The following ASRGL1 variants were observed in gnomAD, a reference collection of about 807,000 sequenced individuals.
ASRGL1 encodes the protein asparaginase and isoaspartyl peptidase 1.
In ASRGL1, 16 loss-of-function variants were observed where a neutral mutation model predicts 22.4. The observed-to-expected ratio is 0.71, with a 90% CI of 0.48 to 1.08. The LOEUF is 1.08. Among genes scored for constraint, ASRGL1 ranks in the 50% least tolerant of loss-of-function variants. The pLI, the probability that ASRGL1 is intolerant of heterozygous loss-of-function variation, is 0.00. For missense variants in ASRGL1, 412 were observed against 410.1 expected, an observed-to-expected ratio of 1.00 and a Z score of -0.04; for synonymous variants, 165 against 159.3, an observed-to-expected ratio of 1.04 and a Z score of -0.27.
chr11:62,364,360 T>C (rs900868438), intron 4 of ASRGL1, among the ~76,000 whole-genome samples: 4 of 152,174 alleles, frequency 2.6e-5, no homozygotes, highest in Non-Finnish European at 5.9e-5. Context: ...AGTTAAGTCG[T>C]CACTGGTAGT....
Position 62,357,114 on chromosome 11 carries a change from A to G in ASRGL1, c.461A>G (p.Glu154Gly), listed in dbSNP as rs775919051. The change falls in exon 4 of 7, where the codon GAA (glutamate) becomes GGA (glycine). Residue 154 changes from glutamate (E) to glycine (G), a missense_variant. Physicochemically the swap from Glu to Gly is moderately conservative, Grantham distance 98. Coordinates refer to ENST00000415229, the MANE Select transcript of ASRGL1 (RefSeq NM_001083926.2). ...AAGCGCCTGGAAAAAGAGAAGCATG[A>G]AAAAGGTGCTCAGAAAACAGATTGT... ...NKKRLEKEKH[E>G]KGAQKTDCQK... 5.0e-6 allele frequency: 8 copies of G among 1,613,500 alleles called. No homozygotes were observed. The Admixed American group carries it at 1.2e-4, about 24-fold the overall frequency.
downstream of ASRGL1, among the ~76,000 whole-genome samples, chr11:62,397,599 G>A (rs1053909141): frequency 2.0e-5 from 3 of 149,390 alleles, no homozygotes; most frequent in African/African-American, 7.4e-5. Context: ...GGAAGGTGGA[G>A]ACTGTGGTGA....
At chr11:62,365,786 CT>C (rs1946598703) in intron 4 of ASRGL1, among the ~76,000 whole-genome samples, 1 of 152,128 alleles carries the variant, frequency 6.6e-6, no homozygotes, top group South Asian at 2.1e-4. Context: ...GAGGCAGAGG[CT>C]GCTGTGAGCT....
intron 2 of ASRGL1, among the ~76,000 whole-genome samples, chr11:62,338,922 G>A (rs930152118): frequency 2.5e-5 from 2 of 80,224 alleles, no homozygotes; most frequent in African/African-American, 5.0e-5. Flanking sequence ...GCGACAGAGC[G>A]AGACTATCTC....
intron 4 of ASRGL1, among the ~76,000 whole-genome samples, chr11:62,386,388 A>G (rs1565174548): frequency 1.4e-5 from 1 of 69,496 alleles, no homozygotes; most frequent in East Asian, 4.7e-4. Context: ...TTATAATTGT[A>G]TTATTTTATT....
rs1195708158 is a variant in ASRGL1, at chr11:62,393,402, T to C, written c.*1118T>C. ...TTCCATGTGCCGCTAATAAAATATA[T>C]TTTGAAAGAATAAGGGTGTGGTTGG... is the stretch of plus-strand genomic sequence containing the variant. On this transcript the variant is annotated 3_prime_UTR_variant, in exon 7 of 7. Coordinates refer to ENST00000415229, the MANE Select transcript of ASRGL1 (RefSeq NM_001083926.2). The C allele has an allele frequency of 6.6e-6, 1 of 152,154 alleles. No individual in the cohort carries two copies. Among genetic ancestry groups the C allele is most frequent in the Non-Finnish European group, 1.5e-5 (1 of 68,050 alleles). 9.4% of individuals were successfully genotyped at this position (152,154 alleles called of 1,614,324 possible).
rs1199634998 is a variant in ASRGL1, at chr11:62,338,040, G to A, written c.63G>A (p.Glu21=). 3 of 1,608,586 alleles carry A rather than the reference G, an allele frequency of 1.9e-6. No individual in the cohort carries two copies. Among genetic ancestry groups the A allele is most frequent in the Non-Finnish European group, 2.5e-6 (3 of 1,177,896 alleles). Reference sequence around the variant, plus strand: ...GTCCCATCTCCAAGGATCGGAAGGAGCGAGTGCACCAGGGCATGGTCAGAG... The same window carrying A: ...GTCCCATCTCCAAGGATCGGAAGGAACGAGTGCACCAGGGCATGGTCAGAG... The part of the protein sequence containing the change: ...GAGPISKDRK[E]RVHQGMVRAA... Residue 21 remains glutamate (E), a synonymous_variant, in exon 2 of 7, where the codon GAG becomes GAA. Transcript: ENST00000415229.
At position 62,356,508 on chromosome 11, in the gene ASRGL1, T is replaced by C. The variant is rs137872318; in HGVS notation, c.333+41T>C. 1,447 of 1,602,926 alleles carry C rather than the reference T, an allele frequency of 9.0e-4. 15 individuals are homozygous for C. The African/African-American group carries it at 0.017, about 19-fold the overall frequency. On this transcript the variant is annotated intron_variant, in intron 3 of 6. Transcript: ENST00000415229. ...GCAGCCTTTTCCTAATGAATTGTTA[T>C]TGTTATACTGCAGTGATAAGGGCTC... is the stretch of plus-strand genomic sequence containing the variant.
downstream of ASRGL1, among the ~76,000 whole-genome samples, chr11:62,396,979 C>T (rs536877888): frequency 8.5e-5 from 13 of 152,250 alleles, no homozygotes; most frequent in East Asian, 2.3e-3. Flanking sequence ...CATGCCTGCC[C>T]GCCTTGGCCC....
intron 3 of ASRGL1, 102 bp downstream of exon 3, chr11:62,356,569 T>C: frequency 7.4e-7 from 1 of 1,349,246 alleles, no homozygotes. Flanking sequence ...ACTGTTCTCC[T>C]AAAAATATAT....
At chr11:62,383,325 C>G (rs1947117705) in intron 4 of ASRGL1, 1 of 151,236 alleles carries the variant, frequency 6.6e-6, no homozygotes. Flanking sequence ...CATCAGGGGC[C>G]GGGCGCGGTG....
intron 4 of ASRGL1, chr11:62,372,811 T>C: frequency 6.3e-7 from 1 of 1,595,062 alleles, no homozygotes; most frequent in Admixed American, 1.7e-5. Context: ...GTCAGTGAAG[T>C]GGGTGGTCTG....
intron 2 of ASRGL1, among the ~76,000 whole-genome samples, chr11:62,356,026 T>C (rs1186957880): frequency 2.0e-5 from 3 of 152,250 alleles, no homozygotes; most frequent in East Asian, 3.8e-4. Flanking sequence ...TACTTCCTTC[T>C]ACACAGACAC....
chr11:62,372,490 T>C (rs1946799916), intron 4 of ASRGL1: 1 of 1,307,546 alleles, frequency 7.6e-7, no homozygotes, highest in Admixed American at 1.7e-5. Flanking sequence ...AGATGGGAAG[T>C]TCATTGCCCG....
At chr11:62,391,756 G>A in intron 6 of ASRGL1, 124 bp downstream of exon 6, 2 of 1,267,790 alleles carry the variant, frequency 1.6e-6, no homozygotes, top group Non-Finnish European at 2.1e-6. Context: ...TTGCTTTCAG[G>A]CCGTTAACAC....
intron 2 of ASRGL1, 75 bp downstream of exon 2, chr11:62,338,242 A>G: frequency 7.4e-7 from 1 of 1,359,136 alleles, no homozygotes; most frequent in Non-Finnish European, 9.8e-7. Context: ...GAACCTACAT[A>G]GTGTTAGGGA....
intron 4 of ASRGL1, among the ~76,000 whole-genome samples, chr11:62,362,590 TAA>T (rs1157177091): frequency 2.5e-5 from 1 of 39,342 alleles, no homozygotes; most frequent in Non-Finnish European, 5.0e-5. Context: ...ATAAAATATA[TAA>T]TATATATTAT....
intron 2 of ASRGL1, among the ~76,000 whole-genome samples, chr11:62,338,695 G>A (rs546286317): frequency 6.6e-5 from 10 of 152,188 alleles, no homozygotes; most frequent in South Asian, 2.1e-4. Flanking sequence ...CAGCACTTTG[G>A]GAGGCCAAGG....
chr11:62,394,961 G>T (rs1258114711), downstream of ASRGL1, among the ~76,000 whole-genome samples: 2 of 152,144 alleles, frequency 1.3e-5, no homozygotes. Context: ...GCATCTGAAA[G>T]GGGAAGACAA....
Sources: allele counts gnomAD v4.1 joint callset (sites outside exome capture counted in the v4.1 genomes callset), GRCh38; gene constraint gnomAD v4.1.1; transcripts MANE v1.5; gene names NCBI Gene and HGNC (gene_info 2026-07-23, HGNC 2026-07-21).